Variants in OR2T27 observed in about 807,000 individuals in gnomAD.
OR2T27 encodes the protein olfactory receptor 2T27.
For synonymous variants in OR2T27, 51 were observed against 152.9 expected (o/e 0.33, Z 4.92); for missense variants, 152 against 397.2 (o/e 0.38, Z 5.25).
rs146060874 is a variant in OR2T27, at chr1:248,650,090, G to T, written c.795C>A (p.Tyr265Ter). Residue 265 changes from tyrosine to a stop codon, truncating the protein, a stop_gained, in exon 2 of 2, where the codon TAC becomes TAA. Coordinates refer to ENST00000460972, the MANE Select transcript of OR2T27 (RefSeq NM_001001824.2). LOFTEE classifies it low-confidence loss of function (END_TRUNC). ...CAGCTTTGTCCTGCTCAGGGGTGTG[G>T]TAAGAATGAGGCAGCACGTATGTGT... ...AMYTYVLPHS[Y>*]HTPEQDKAVS... 642 of 1,572,788 alleles carry T rather than the reference G, an allele frequency of 4.1e-4. 27 individuals are homozygous for T. The highest frequency in any genetic ancestry group is 5.1e-4 in the Non-Finnish European group (585 of 1,152,874).
chr1:248,650,925 AAGGT>A, intron 1 of OR2T27, 37 bp from the exon 2 acceptor site: 2 of 1,136,026 alleles, frequency 1.8e-6, no homozygotes, highest in Non-Finnish European at 2.5e-6. Flanking sequence ...CAAAGTTGGA[AAGGT>A]ATCTGATTTA....
chr1:248,651,300 T>A (rs1223826526), intron 1 of OR2T27: 2 of 49,288 alleles, frequency 4.1e-5, no homozygotes, highest in African/African-American at 6.4e-5. Flanking sequence ...GTTCTCACAC[T>A]TAGAATCCAG....
chr1:248,653,731 CAT>C lies in OR2T27; in HGVS notation c.-5+1711_-5+1712del, dbSNP rs1270224638. ...GGATTTGATTATGAAAAAAATTGAA[CAT>C]AGTGTATATTTTGGCTATTTTGATT... On this transcript the variant is annotated intron_variant, in intron 1 of 1. Transcript: ENST00000460972. 1.8e-5 allele frequency among the ~76,000 whole-genome samples: 2 copies of C among 111,966 alleles called. 1 individual carries two copies. The highest frequency in any genetic ancestry group is 2.0e-4 in the Admixed American group (2 of 10,130). The allele number at this position is 111,966 out of a possible 152,430, so 73.5% of individuals were successfully genotyped here.
In OR2T27 at chr1:248,653,422, C is replaced by A. The variant is rs1055701711; in HGVS notation, c.-5+2022G>T. On this transcript the variant is annotated intron_variant, in intron 1 of 1. Coordinates refer to ENST00000460972, the MANE Select transcript of OR2T27 (RefSeq NM_001001824.2). ...ATAATTCCAAACCTTAGTAAACGTC[C>A]AGTTCTATGTATACCTAATAATTAG... Among the ~76,000 whole-genome samples the A allele has an allele frequency of 5.6e-5, 8 of 141,940 alleles. 1 individual carries two copies. The highest frequency in any genetic ancestry group is 2.0e-4 in the African/African-American group (8 of 40,300). The allele number at this position is 141,940 out of a possible 152,430, so 93.1% of individuals were successfully genotyped here.
At chr1:248,653,697 T>C (rs1228499958) in intron 1 of OR2T27, among the ~76,000 whole-genome samples, 1 of 83,318 alleles carries the variant, frequency 1.2e-5, no homozygotes, top group African/African-American at 2.9e-5. Context: ...GTATCAAAAC[T>C]CACAATATGG....
intron 1 of OR2T27, among the ~76,000 whole-genome samples, chr1:248,651,933 CTTTAT>C (rs1394352050): frequency 1.7e-5 from 1 of 60,148 alleles, no homozygotes; most frequent in Non-Finnish European, 6.1e-5. Context: ...CTCCTTAAAA[CTTTAT>C]ATTATGGTAA....
rs1282639629 is a variant in OR2T27, at chr1:248,655,477, G to C, written c.-38C>G. ...GTATCTTCCCCAAACACGATGATCT[G>C]AATATTTAGAGAGAAACCTTACAGA... On this transcript the variant is annotated 5_prime_UTR_variant, in exon 1 of 2. It introduces an in-frame stop codon into an upstream open reading frame of the 5' UTR. Transcript: ENST00000460972. 1 of 86,264 alleles carries C rather than the reference G, an allele frequency of 1.2e-5. No individual in the cohort carries two copies. The highest frequency in any genetic ancestry group is 2.9e-5 in the Non-Finnish European group (1 of 34,968). The allele number at this position is 86,264 out of a possible 1,614,324, so 5.3% of individuals were successfully genotyped here.
intron 1 of OR2T27, among the ~76,000 whole-genome samples, chr1:248,653,298 G>A (rs1237890302): frequency 9.1e-4 from 66 of 72,818 alleles, no homozygotes; most frequent in Non-Finnish European, 2.0e-3. Context: ...TTCATTCACT[G>A]TATTTTAAGA....
intron 1 of OR2T27, among the ~76,000 whole-genome samples, chr1:248,651,908 ATATATGCAACACATCTCCTTAAAACT>A (rs1661024020): frequency 1.2e-5 from 1 of 86,716 alleles, no homozygotes; most frequent in Non-Finnish European, 2.8e-5. Flanking sequence ...CCTGTTAAAA[ATATATGCAACACATCTCCTTAAAACT>A]TTATATTATG....
rs1206295170 is a variant in OR2T27, at chr1:248,654,661, GAAGTGTCACTTCTAGAAA to G, written c.-5+765_-5+782del. Among the ~76,000 whole-genome samples the G allele has an allele frequency of 9.1e-3, 156 of 17,158 alleles. 31 individuals are homozygous for G. The highest frequency in any genetic ancestry group is 0.01 in the African/African-American group (153 of 14,710). 11.3% of individuals were successfully genotyped at this position (17,158 alleles called of 152,430 possible). A position where few individuals can be genotyped will look rare whatever the true frequency, so the allele number is the denominator to read the frequency against. On this transcript the variant is annotated intron_variant, in intron 1 of 1. Transcript: ENST00000460972. Reference sequence around the variant, plus strand: ...TTCCTCCCCAGCAGTATTTTCACATGAAGTGTCACTTCTAGAAAATGGCTTTTCTTCCACAACTAAAGT... The same window carrying G: ...TTCCTCCCCAGCAGTATTTTCACATGATGGCTTTTCTTCCACAACTAAAGT...
chr1:248,651,400 T>C (rs1261811798), intron 1 of OR2T27: 3 of 71,114 alleles, frequency 4.2e-5, no homozygotes, highest in African/African-American at 8.2e-5. Flanking sequence ...CACTTGTACA[T>C]TGTAAAATGA....
rs776012526 is a variant in OR2T27 at position 248,650,891 on chromosome 1, G to A, written c.-4-3C>T. The A allele has an allele frequency of 6.6e-6, 10 of 1,506,908 alleles. No individual in the cohort carries two copies. In the East Asian group the frequency reaches 1.8e-4, roughly 27 times the overall value. 93.3% of individuals were successfully genotyped at this position (1,506,908 alleles called of 1,614,324 possible). A position where few individuals can be genotyped will look rare whatever the true frequency, so the allele number is the denominator to read the frequency against. On this transcript the variant is annotated splice_polypyrimidine_tract_variant and splice_region_variant and intron_variant, in intron 1 of 1. Transcript: ENST00000460972. Reference sequence around the variant, plus strand: ...AATAATTGCTCTGCTCCATAGCTCTGTAGGGTACACAAAAGAGATATGACA... The same window carrying A: ...AATAATTGCTCTGCTCCATAGCTCTATAGGGTACACAAAAGAGATATGACA...
intron 1 of OR2T27, 31 bp downstream of exon 1, chr1:248,655,413 C>T (rs1173723548): frequency 2.1e-5 from 2 of 95,164 alleles, no homozygotes; most frequent in South Asian, 6.2e-4. Flanking sequence ...AAGCATCCTG[C>T]GATTGATCAG....
chr1:248,653,341 G>A (rs1287632200), intron 1 of OR2T27, among the ~76,000 whole-genome samples: 1 of 128,650 alleles, frequency 7.8e-6, no homozygotes, highest in African/African-American at 2.6e-5. Context: ...AAGAATACTT[G>A]GAAAATAAAG....
At position 248,649,964 on chromosome 1, in the gene OR2T27, C is replaced by T. The variant is rs149940838; in HGVS notation, c.921G>A (p.Arg307=). The change falls in exon 2 of 2, where the codon AGG becomes AGA. Residue 307 remains arginine (R), a synonymous_variant. Transcript: ENST00000460972. The stretch of plus-strand genomic sequence containing the variant: ...TGGTTACCTTTCCTGAGGACACACA[C>T]CTCCCCACAACCTTCTGTAGGGCCC... The part of the protein sequence containing the change: ...VTGALQKVVG[R]CVSSGKVTTF The T allele has an allele frequency of 1.1e-5, 17 of 1,578,956 alleles. No individual in the cohort carries two copies. The highest frequency in any genetic ancestry group is 4.5e-5 in the South Asian group (4 of 88,910).
At chr1:248,653,738 T>C (rs1661070715) in intron 1 of OR2T27, among the ~76,000 whole-genome samples, 1 of 108,350 alleles carries the variant, frequency 9.2e-6, no homozygotes, top group African/African-American at 2.7e-5. Flanking sequence ...GAACATAGTG[T>C]ATATTTTGGC....
chr1:248,652,834 A>G (rs1307006716), intron 1 of OR2T27, among the ~76,000 whole-genome samples: 1 of 150,586 alleles, frequency 6.6e-6, no homozygotes, highest in Non-Finnish European at 1.5e-5. Context: ...GCTTTCCATC[A>G]GCTGATTTAT....
intron 1 of OR2T27, among the ~76,000 whole-genome samples, chr1:248,653,954 G>GA (rs375818375): frequency 1.6e-5 from 1 of 64,130 alleles, no homozygotes; most frequent in African/African-American, 3.4e-5. Context: ...CTGGATTTTT[G>GA]AAAAAAATAT....
chr1:248,653,162 G>GC (rs113057999), intron 1 of OR2T27, among the ~76,000 whole-genome samples: 12 of 143,366 alleles, frequency 8.4e-5, no homozygotes, highest in African/African-American at 2.7e-4. Flanking sequence ...AATACTCCTG[G>GC]CCCTGAAACT....
Sources: allele counts gnomAD v4.1 joint callset (sites outside exome capture counted in the v4.1 genomes callset), GRCh38; gene constraint gnomAD v4.1.1; transcripts MANE v1.5; gene names NCBI Gene and HGNC (gene_info 2026-07-23, HGNC 2026-07-21).